PTPRG: variants seen among roughly 807,000 people sequenced by gnomAD.
PTPRG encodes the protein protein tyrosine phosphatase receptor type G, also known as receptor-type tyrosine-protein phosphatase gamma.
Under a neutral mutation model 165.3 loss-of-function variants are expected in PTPRG, and 102 were observed. That is an observed-to-expected ratio of 0.62 (90% CI 0.53 to 0.73). The LOEUF is 0.73. PTPRG is among the 30% of genes least tolerant of loss of function. PTPRG has a pLI of 0.00. For synonymous variants in PTPRG, 675 were observed against 669.5 expected (o/e 1.01, Z -0.13); for missense variants, 1,866 against 1,861.4 (o/e 1.00, Z -0.05).
rs189345773 is a variant in PTPRG, at chr3:61,909,524, A to T, written c.191-80101A>T. 5.9e-5 allele frequency among the ~76,000 whole-genome samples: 9 copies of T among 152,018 alleles called. No homozygotes were observed. The East Asian group carries it at 9.7e-4, about 16-fold the overall frequency. ...CACCACACCTGACTAATTTTTAAAA[A>T]TTTTTTTGTAGCAATACAGTCTCAC... On this transcript the variant is annotated intron_variant, in intron 2 of 29. Transcript: ENST00000474889.
chr3:62,271,283 G>GAAT lies in PTPRG; in HGVS notation c.3010-99_3010-97dup. 4.9e-6 allele frequency: 5 copies of GAAT among 1,017,830 alleles called. No homozygotes were observed. Among genetic ancestry groups the GAAT allele is most frequent in the Non-Finnish European group, 7.2e-6 (5 of 696,810 alleles). The allele number at this position is 1,017,830 out of a possible 1,614,324, so 63.0% of individuals were successfully genotyped here. A position where few individuals can be genotyped will look rare whatever the true frequency, so the allele number is the denominator to read the frequency against. On this transcript the variant is annotated intron_variant, in intron 20 of 29. Coordinates refer to ENST00000474889, the MANE Select transcript of PTPRG (RefSeq NM_002841.4). The surrounding 1 kb of genome is among the most constrained non-coding windows in gnomAD (Gnocchi z 4.1). ...CTAGCCTGGGAACAGTGATTAGGGT[G>GAAT]AATGTGATCAGTGGTCATGTGTCCT...
intron 2 of PTPRG, among the ~76,000 whole-genome samples, chr3:61,963,512 A>G (rs940787151): frequency 6.6e-6 from 1 of 152,216 alleles, no homozygotes; most frequent in Admixed American, 6.5e-5. Flanking sequence ...AGAAAGAGAA[A>G]ATATTTATGA....
At chr3:62,126,428 T>G (rs764563162) in intron 5 of PTPRG, among the ~76,000 whole-genome samples, 3 of 152,206 alleles carry the variant, frequency 2.0e-5, no homozygotes, top group African/African-American at 7.2e-5. Flanking sequence ...CAAGCTGCGT[T>G]TGAAGTGGGG....
chr3:61,991,113 T>C (rs903730832), intron 3 of PTPRG, among the ~76,000 whole-genome samples: 3 of 152,214 alleles, frequency 2.0e-5, no homozygotes, highest in African/African-American at 7.2e-5. Flanking sequence ...TTCTGCTTCC[T>C]GTGTTATAGC....
At chr3:61,659,107 T>C (rs1455655220) in intron 1 of PTPRG, among the ~76,000 whole-genome samples, 2 of 152,046 alleles carry the variant, frequency 1.3e-5, no homozygotes, top group African/African-American at 4.8e-5. Context: ...CAGACACACC[T>C]TGGGGCCCCT....
At chr3:61,815,327 T>G (rs1186823868) in intron 2 of PTPRG, among the ~76,000 whole-genome samples, 1 of 151,944 alleles carries the variant, frequency 6.6e-6, no homozygotes, top group African/African-American at 2.4e-5. Context: ...GGAGAACCAC[T>G]TCAGCCTGGG....
At chr3:62,191,053 C>CTG (rs1338683953) in intron 8 of PTPRG, among the ~76,000 whole-genome samples, 2 of 152,122 alleles carry the variant, frequency 1.3e-5, no homozygotes, top group Non-Finnish European at 2.9e-5. Flanking sequence ...AAAAACAGTT[C>CTG]TGTGTGTGTG....
At chr3:61,626,573 G>T (rs1029966101) in intron 1 of PTPRG, among the ~76,000 whole-genome samples, 35 of 152,306 alleles carry the variant, frequency 2.3e-4, no homozygotes, top group African/African-American at 8.4e-4. Context: ...TGACATTGCG[G>T]TTAGCACTGT....
chr3:62,146,471 G>A (rs187727766), intron 6 of PTPRG, among the ~76,000 whole-genome samples: 97 of 152,126 alleles, frequency 6.4e-4, no homozygotes, highest in African/African-American at 2.1e-3. Context: ...TATGGGCCCC[G>A]GGATTTTCTC....
At chr3:61,985,940 C>T (rs184223589) in intron 2 of PTPRG, among the ~76,000 whole-genome samples, 107 of 152,132 alleles carry the variant, frequency 7.0e-4, no homozygotes, top group African/African-American at 2.4e-3. Context: ...ACAGTTGAAA[C>T]GAATTTAATA....
Position 61,582,215 on chromosome 3 carries a change from G to A in PTPRG, c.85+19843G>A, listed in dbSNP as rs112041696. Among the ~76,000 whole-genome samples, 784 of 152,150 alleles carry A rather than the reference G, an allele frequency of 5.2e-3. 7 individuals are homozygous for A. Among genetic ancestry groups the A allele is most frequent in the African/African-American group, 0.018 (756 of 41,516 alleles). ...ACTCCTGGTCTCAAGTGATCCACTC[G>A]CCTTGGCCTCTCAAAGTGCTGGGAT... On this transcript the variant is annotated intron_variant, in intron 1 of 29. Transcript: ENST00000474889.
At chr3:61,581,422 T>A (rs531517308) in intron 1 of PTPRG, among the ~76,000 whole-genome samples, 1 of 152,232 alleles carries the variant, frequency 6.6e-6, no homozygotes, top group African/African-American at 2.4e-5. Context: ...GGCATCCTTT[T>A]CCCCACCTTA....
intron 2 of PTPRG, among the ~76,000 whole-genome samples, chr3:61,947,517 G>A (rs78071682): frequency 0.016 from 2,505 of 152,294 alleles, 49 homozygotes; most frequent in South Asian, 0.077. Flanking sequence ...TGCCCAGATG[G>A]AGGTGACTTG....
intron 5 of PTPRG, among the ~76,000 whole-genome samples, chr3:62,131,183 A>G (rs1485173768): frequency 1.3e-5 from 2 of 152,318 alleles, no homozygotes; most frequent in East Asian, 3.9e-4. Context: ...TAGGATGTTT[A>G]GCAGCAGCTC....
chr3:62,037,009 A>ACACACG (rs1699967382), intron 4 of PTPRG, among the ~76,000 whole-genome samples: 1 of 151,368 alleles, frequency 6.6e-6, no homozygotes, highest in South Asian at 2.1e-4. Context: ...ACACACACAC[A>ACACACG]GTGTTCCCTG....
intron 2 of PTPRG, among the ~76,000 whole-genome samples, chr3:61,765,735 G>C (rs1399581428): frequency 6.6e-6 from 1 of 152,220 alleles, no homozygotes; most frequent in African/African-American, 2.4e-5. Context: ...CATAAATGTA[G>C]TAGTAATGGC....
At position 62,271,681 on chromosome 3, in the gene PTPRG, A is replaced by T; in HGVS notation, c.3182+126A>T. 2.5e-6 allele frequency: 2 copies of T among 801,596 alleles called. No individual in the cohort carries two copies. Among genetic ancestry groups the T allele is most frequent in the Non-Finnish European group, 3.8e-6 (2 of 524,408 alleles). 49.7% of individuals were successfully genotyped at this position (801,596 alleles called of 1,614,324 possible). ...AATCTTCCACTGGAAACTGGGATGGATAAGACCTATGATAGTCTTAAAGAG... is the reference window on the plus strand; with the variant it reads ...AATCTTCCACTGGAAACTGGGATGGTTAAGACCTATGATAGTCTTAAAGAG... On this transcript the variant is annotated intron_variant, in intron 21 of 29. Transcript: ENST00000474889. This position sits in a 1 kb window ranked among gnomAD's most constrained non-coding sequence, Gnocchi z 4.1.
intron 6 of PTPRG, among the ~76,000 whole-genome samples, chr3:62,138,742 A>G (rs1703814347): frequency 6.6e-6 from 1 of 150,484 alleles, no homozygotes; most frequent in East Asian, 2.0e-4. Context: ...AAAAAGAAAG[A>G]CGAAATACAT....
At chr3:62,163,824 A>G (rs1704861987) in intron 7 of PTPRG, among the ~76,000 whole-genome samples, 1 of 152,232 alleles carries the variant, frequency 6.6e-6, no homozygotes, top group Non-Finnish European at 1.5e-5. Context: ...ACAAATAAAG[A>G]CACTGAGGCA....
Sources: allele counts gnomAD v4.1 joint callset (sites outside exome capture counted in the v4.1 genomes callset), GRCh38; gene constraint gnomAD v4.1.1; non-coding constraint Gnocchi (gnomAD v3.1); transcripts MANE v1.5; gene names NCBI Gene and HGNC (gene_info 2026-07-23, HGNC 2026-07-21).